The following GOLGA4 variants were observed in gnomAD, a reference collection of about 807,000 sequenced individuals.
GOLGA4 encodes golgin subfamily A member 4.
GOLGA4 carries 169 observed loss-of-function variants against 265.9 expected under a neutral mutation model. That is an observed-to-expected ratio of 0.64 (90% CI 0.56 to 0.72). The LOEUF is 0.72. Among genes scored for constraint, GOLGA4 ranks in the 30% least tolerant of loss-of-function variants. GOLGA4 has a pLI of 0.00. For missense variants in GOLGA4, 2,482 were observed against 2,483.4 expected (o/e 1.00, Z 0.01); for synonymous variants, 923 against 855.8 (o/e 1.08, Z -1.37).
intron 4 of GOLGA4, among the ~76,000 whole-genome samples, chr3:37,288,691 G>A (rs1009444122): frequency 2.0e-5 from 3 of 151,020 alleles, no homozygotes; most frequent in Admixed American, 6.6e-5. Flanking sequence ...TATTAGCCAG[G>A]ATGGTCTCGA....
rs758626278 is a variant in GOLGA4 at position 37,326,497 on chromosome 3, A to C, written c.4611A>C (p.Lys1537Asn). 6.2e-7 allele frequency: 1 copy of C among 1,607,588 alleles called. No individual in the cohort carries two copies. The highest frequency in any genetic ancestry group is 1.7e-5 in the Admixed American group (1 of 59,128). The change falls in exon 14 of 24, where the codon AAA becomes AAC. Residue 1537 changes from lysine (K) to asparagine (N), a missense_variant. By Grantham distance (94) the Lys-to-Asn change is moderately conservative. This residue lies in a region of GOLGA4 where 942 missense variants were observed against 983.1 expected (regional missense o/e 0.96). Coordinates refer to ENST00000361924, the MANE Select transcript of GOLGA4 (RefSeq NM_002078.5). ...AATTAGAGGACCATATTACCCAGAA[A>C]ACTATTGAAATAGAGTCCTTAAATG... Reference protein sequence around the residue: ...IMELEDHITQKTIEIESLNEV... With the variant: ...IMELEDHITQNTIEIESLNEV...
chr3:37,355,357 G>T (rs2097088109), intron 22 of GOLGA4, among the ~76,000 whole-genome samples, 170 bp downstream of exon 22: 1 of 152,036 alleles, frequency 6.6e-6, no homozygotes, highest in Non-Finnish European at 1.5e-5. Flanking sequence ...TTAACCAAGG[G>T]TAAATGTGAA....
At position 37,360,435 on chromosome 3, in the gene GOLGA4, T is replaced by C. The variant is rs533606215; in HGVS notation, c.6664-808T>C. Among the ~76,000 whole-genome samples, 7 of 152,294 alleles carry C rather than the reference T, an allele frequency of 4.6e-5. 1 individual carries two copies. The highest frequency in any genetic ancestry group is 1.7e-4 in the African/African-American group (7 of 41,568). On this transcript the variant is annotated intron_variant, in intron 22 of 23. Coordinates refer to ENST00000361924, the MANE Select transcript of GOLGA4 (RefSeq NM_002078.5). ...GTGTTGTGTGTGTTGCACATATTAT[T>C]TTCTAGCTTGTCTTTTGGTTTTGCT...
intron 20 of GOLGA4, among the ~76,000 whole-genome samples, chr3:37,341,185 G>A (rs114942555): frequency 6.6e-5 from 10 of 152,138 alleles, no homozygotes; most frequent in Non-Finnish European, 1.3e-4. Context: ...TTACAGGCAT[G>A]AGCTACTGCA....
At chr3:37,292,203 A>G (rs528369901) in intron 5 of GOLGA4, among the ~76,000 whole-genome samples, 57 of 152,280 alleles carry the variant, frequency 3.7e-4, no homozygotes, top group Middle Eastern at 6.8e-3. Flanking sequence ...TAGGACTGCT[A>G]TGTAACAGAG....
intron 2 of GOLGA4, 24 bp downstream of exon 2, chr3:37,251,508 G>A (rs770176491): frequency 7.3e-7 from 1 of 1,369,738 alleles, no homozygotes; most frequent in South Asian, 1.2e-5. Flanking sequence ...TCCTTTTCTA[G>A]TATACCTCTC....
Position 37,243,293 on chromosome 3 carries a change from T to C in GOLGA4, c.-258T>C, listed in dbSNP as rs1204357421. 3 of 540,226 alleles carry C rather than the reference T, an allele frequency of 5.6e-6. No homozygotes were observed. The highest frequency in any genetic ancestry group is 2.3e-5 in the South Asian group (1 of 43,210). The allele number at this position is 540,226 out of a possible 1,614,324, so 33.5% of individuals were successfully genotyped here. A position where few individuals can be genotyped will look rare whatever the true frequency, so the allele number is the denominator to read the frequency against. ...CACAGTTCACCTGCTGCCGTTGTCG[T>C]CGCCGCCGCGGCTCCCGGGGCTGGA... On this transcript the variant is annotated 5_prime_UTR_variant, in exon 1 of 24. Transcript: ENST00000361924.
rs191837751 is a variant in GOLGA4 at position 37,303,847 on chromosome 3, T to C, written c.1234+1515T>C. Among the ~76,000 whole-genome samples, 320 of 152,376 alleles carry C rather than the reference T, an allele frequency of 2.1e-3. 2 individuals are homozygous for C. Among genetic ancestry groups the C allele is most frequent in the African/African-American group, 7.5e-3 (313 of 41,596 alleles). On this transcript the variant is annotated intron_variant, in intron 10 of 23. Transcript: ENST00000361924. Reference sequence around the variant, plus strand: ...TGCTAGCCATTACTTACTTTAGTAATGCTCTGCTCTAAGGGCTTTGCTTGT... The same window carrying C: ...TGCTAGCCATTACTTACTTTAGTAACGCTCTGCTCTAAGGGCTTTGCTTGT...
chr3:37,299,869 G>A (rs554103872), intron 9 of GOLGA4, among the ~76,000 whole-genome samples: 21 of 149,194 alleles, frequency 1.4e-4, no homozygotes, highest in Non-Finnish European at 1.9e-4. Flanking sequence ...GGGCAGTAAA[G>A]CAAGACCTCC....
At chr3:37,359,436 T>C (rs956555621) in intron 22 of GOLGA4, among the ~76,000 whole-genome samples, 3 of 152,208 alleles carry the variant, frequency 2.0e-5, no homozygotes, top group Admixed American at 6.5e-5. Context: ...TTAAAAGTTT[T>C]CTTAGACATT....
At chr3:37,337,787 A>G in intron 19 of GOLGA4, 53 bp downstream of exon 19, 1 of 1,132,560 alleles carries the variant, frequency 8.8e-7, no homozygotes, top group East Asian at 2.4e-5. Flanking sequence ...GTTAATATGT[A>G]CTTGGATCTC....
intron 20 of GOLGA4, 35 bp from the exon 21 acceptor site, chr3:37,347,158 G>A: frequency 1.6e-6 from 2 of 1,261,900 alleles, no homozygotes; most frequent in Non-Finnish European, 2.3e-6. Context: ...ACCTGGTTTT[G>A]TCTTTACAGT....
chr3:37,289,175 G>A (rs2096858323), intron 4 of GOLGA4, 60 bp from the exon 5 acceptor site: 3 of 861,040 alleles, frequency 3.5e-6, no homozygotes, highest in South Asian at 1.6e-5. Context: ...GACTTGCTTT[G>A]TATTTACTAT....
chr3:37,308,257 A>G (rs1380194041), intron 10 of GOLGA4, among the ~76,000 whole-genome samples: 1 of 151,640 alleles, frequency 6.6e-6, no homozygotes, highest in East Asian at 1.9e-4. Context: ...GAACAAAAAG[A>G]AAAAGAAAAT....
At chr3:37,245,286 T>C (rs1170577046) in intron 1 of GOLGA4, 1 of 152,672 alleles carries the variant, frequency 6.5e-6, no homozygotes, top group African/African-American at 2.4e-5. Flanking sequence ...GATAATACTA[T>C]AATTCCTCTT....
chr3:37,314,682 C>CACACACACAT (rs148252805), intron 10 of GOLGA4, among the ~76,000 whole-genome samples: 3 of 142,580 alleles, frequency 2.1e-5, no homozygotes, highest in African/African-American at 7.6e-5. Flanking sequence ...CACACACACA[C>CACACACACAT]GAAAAAAACC....
intron 23 of GOLGA4, among the ~76,000 whole-genome samples, chr3:37,363,886 A>G (rs1696536934): frequency 6.6e-6 from 1 of 152,182 alleles, no homozygotes; most frequent in Non-Finnish European, 1.5e-5. Flanking sequence ...GTTTTTAATG[A>G]TGCAGCATTG....
chr3:37,362,238 T>G (rs1559479553), intron 23 of GOLGA4, among the ~76,000 whole-genome samples: 1 of 138,836 alleles, frequency 7.2e-6, no homozygotes, highest in Non-Finnish European at 1.5e-5. Context: ...TATTTATTTA[T>G]TATTTTTTTT....
At chr3:37,274,867 T>C (rs1308310392) in intron 2 of GOLGA4, among the ~76,000 whole-genome samples, 1 of 152,112 alleles carries the variant, frequency 6.6e-6, no homozygotes, top group Non-Finnish European at 1.5e-5. Context: ...ATTTATGAGC[T>C]GAATGATTTG....
Sources: allele counts gnomAD v4.1 joint callset (sites outside exome capture counted in the v4.1 genomes callset), GRCh38; gene constraint gnomAD v4.1.1; regional missense constraint gnomAD v4.1.1; transcripts MANE v1.5; gene names NCBI Gene and HGNC (gene_info 2026-07-23, HGNC 2026-07-21).